Variants in MALRD1 observed in about 807,000 individuals in gnomAD.
MALRD1 encodes the protein MAM and LDL receptor class A domain containing 1.
A neutral mutation model predicts 242.1 loss-of-function variants in MALRD1; 247 were observed. The observed-to-expected ratio is 1.02, with a 90% confidence interval of 0.92 to 1.13. The LOEUF is 1.13. Ranked by LOEUF, MALRD1 falls within the 50% of genes most tolerant of loss-of-function variation. The pLI is 0.00. For missense variants in MALRD1, 2,989 were observed against 2,533.1 expected (o/e 1.18, Z -3.86); for synonymous variants, 995 against 866.6 (o/e 1.15, Z -2.60).
chr10:19,492,031 G>C (rs12358549), intron 30 of MALRD1, among the ~76,000 whole-genome samples: 4,882 of 139,824 alleles, frequency 0.035, 116 homozygotes, highest in Middle Eastern at 0.074. Flanking sequence ...TGTTGATTTT[G>C]TATATGCAGC....
chr10:19,607,076 A>G (rs1296081439), intron 34 of MALRD1, among the ~76,000 whole-genome samples: 1 of 152,166 alleles, frequency 6.6e-6, no homozygotes, highest in Non-Finnish European at 1.5e-5. Context: ...CAATAAGGAC[A>G]CTTTTCGAAA....
At position 19,211,163 on chromosome 10, in the gene MALRD1, A is replaced by G. The variant is rs982182046; in HGVS notation, c.2991+1483A>G. On this transcript the variant is annotated intron_variant, in intron 18 of 39. Coordinates refer to ENST00000454679, the MANE Select transcript of MALRD1 (RefSeq NM_001142308.3). ...AGGATTGGTTTCCAGGAGAAAATCAACTTTGCAGGGAAGCAGCTTCATAGC... is the reference window on the plus strand; with the variant it reads ...AGGATTGGTTTCCAGGAGAAAATCAGCTTTGCAGGGAAGCAGCTTCATAGC... 3.3e-5 allele frequency among the ~76,000 whole-genome samples: 5 copies of G among 152,212 alleles called. No homozygotes were observed. The East Asian group carries it at 5.8e-4, about 18-fold the overall frequency.
At chr10:19,605,751 T>C (rs1009896965) in intron 34 of MALRD1, among the ~76,000 whole-genome samples, 1 of 152,132 alleles carries the variant, frequency 6.6e-6, no homozygotes, top group Non-Finnish European at 1.5e-5. Flanking sequence ...ACAACAATGC[T>C]TTGCCTACTA....
intron 1 of MALRD1, among the ~76,000 whole-genome samples, chr10:19,058,321 C>A (rs1225230133): frequency 1.3e-5 from 2 of 152,094 alleles, no homozygotes; most frequent in African/African-American, 4.8e-5. Flanking sequence ...TCATGAAATA[C>A]ATTTCTTATT....
chr10:19,492,130 T>C (rs980347781), intron 30 of MALRD1, among the ~76,000 whole-genome samples: 9 of 152,138 alleles, frequency 5.9e-5, no homozygotes, highest in African/African-American at 1.2e-4. Flanking sequence ...TTGGGCTCCA[T>C]TGTATTTTTA....
chr10:19,181,361 G>A (rs1404167676), intron 14 of MALRD1, among the ~76,000 whole-genome samples: 1 of 152,072 alleles, frequency 6.6e-6, no homozygotes, highest in African/African-American at 2.4e-5. Context: ...AAGAAACAGT[G>A]GAATATTATT....
intron 23 of MALRD1, among the ~76,000 whole-genome samples, chr10:19,330,347 G>GAA (rs983862965): frequency 1.4e-5 from 2 of 145,504 alleles, no homozygotes; most frequent in African/African-American, 5.0e-5. Context: ...GCATCTGAAG[G>GAA]AAAAAAAAAA....
At chr10:19,166,600 T>C (rs1834696463) in intron 13 of MALRD1, among the ~76,000 whole-genome samples, 1 of 152,232 alleles carries the variant, frequency 6.6e-6, no homozygotes, top group East Asian at 1.9e-4. Context: ...CACAAAGAAA[T>C]GAGAAGTGTG....
At chr10:19,582,091 T>G in intron 33 of MALRD1, among the ~76,000 whole-genome samples, 1 of 152,072 alleles carries the variant, frequency 6.6e-6, no homozygotes, top group East Asian at 1.9e-4. Context: ...CTTGTAAATT[T>G]GTTTGAGTTC....
At chr10:19,148,650 C>A (rs1833808409) in intron 11 of MALRD1, among the ~76,000 whole-genome samples, 2 of 151,524 alleles carry the variant, frequency 1.3e-5, no homozygotes, top group Admixed American at 1.3e-4. Flanking sequence ...AAGACCCATT[C>A]TTTTCCGGTG....
At chr10:19,068,169 T>G (rs1324986841) in intron 2 of MALRD1, among the ~76,000 whole-genome samples, 3 of 152,072 alleles carry the variant, frequency 2.0e-5, no homozygotes, top group African/African-American at 7.2e-5. Context: ...CAGCACATAT[T>G]TATTTACTGT....
At chr10:19,656,817 A>C (rs1043082497) in intron 36 of MALRD1, among the ~76,000 whole-genome samples, 4 of 151,958 alleles carry the variant, frequency 2.6e-5, no homozygotes, top group Non-Finnish European at 4.4e-5. Context: ...GAAGCATTTT[A>C]TTTTGGGACT....
At chr10:19,587,810 A>C (rs571499815) in intron 33 of MALRD1, among the ~76,000 whole-genome samples, 1 of 152,090 alleles carries the variant, frequency 6.6e-6, no homozygotes, top group Non-Finnish European at 1.5e-5. Context: ...AACTGTCTGC[A>C]TAGCACAAAG....
intron 12 of MALRD1, among the ~76,000 whole-genome samples, chr10:19,162,319 C>A (rs561713700): frequency 6.6e-6 from 1 of 152,148 alleles, no homozygotes; most frequent in South Asian, 2.1e-4. Flanking sequence ...TACTTTCTCT[C>A]TATATATTTC....
At chr10:19,689,337 G>C in intron 36 of MALRD1, among the ~76,000 whole-genome samples, 1 of 152,120 alleles carries the variant, frequency 6.6e-6, no homozygotes, top group East Asian at 1.9e-4. Flanking sequence ...ATTGCATATA[G>C]GCATGAAGGT....
rs553035326 is a variant in MALRD1, at chr10:19,487,535, T to A, written c.5030-3982T>A. Among the ~76,000 whole-genome samples the A allele has an allele frequency of 1.2e-3, 156 of 135,424 alleles. 1 individual carries two copies. Among genetic ancestry groups the A allele is most frequent in the African/African-American group, 3.9e-3 (139 of 35,612 alleles). 88.8% of individuals were successfully genotyped at this position (135,424 alleles called of 152,430 possible). ...ATTTTAACTTTTTTTTTTTTTTTTT[T>A]ATAAAAGCCAAAGAACCAACTATTT... On this transcript the variant is annotated intron_variant, in intron 29 of 39. Transcript: ENST00000454679.
intron 26 of MALRD1, among the ~76,000 whole-genome samples, chr10:19,382,061 G>A (rs1397857659): frequency 1.3e-5 from 2 of 151,914 alleles, no homozygotes; most frequent in Admixed American, 6.6e-5. Context: ...ACTTCAAAAC[G>A]TTACTCCAGT....
intron 28 of MALRD1, among the ~76,000 whole-genome samples, chr10:19,393,825 G>T (rs1015783494): frequency 2.0e-5 from 3 of 151,396 alleles, no homozygotes; most frequent in Non-Finnish European, 4.4e-5. Flanking sequence ...GGGAAATTTT[G>T]AAATGGACTT....
intron 26 of MALRD1, among the ~76,000 whole-genome samples, chr10:19,367,507 T>C (rs1173694505): frequency 1.3e-5 from 2 of 152,136 alleles, no homozygotes; most frequent in African/African-American, 4.8e-5. Context: ...TCTTTATCCA[T>C]TCACTTGTTA....
Sources: allele counts gnomAD v4.1 joint callset (sites outside exome capture counted in the v4.1 genomes callset), GRCh38; gene constraint gnomAD v4.1.1; transcripts MANE v1.5; gene names NCBI Gene and HGNC (gene_info 2026-07-23, HGNC 2026-07-21).